ALOX5: variants seen among roughly 807,000 people sequenced by gnomAD.
ALOX5 encodes polyunsaturated fatty acid 5-lipoxygenase.
A neutral mutation model predicts 87.9 loss-of-function variants in ALOX5; 64 were observed. That is an observed-to-expected ratio of 0.73 (90% CI 0.60 to 0.90). The LOEUF is 0.90. Among genes scored for constraint, ALOX5 ranks in the 40% least tolerant of loss-of-function variants. ALOX5 has a pLI of 0.00. For synonymous variants in ALOX5, 388 were observed against 355.1 expected (o/e 1.09, Z -1.04); for missense variants, 822 against 907.5 (o/e 0.91, Z 1.21).
chr10:45,390,833 A>G (rs1298351273), intron 2 of ALOX5, among the ~76,000 whole-genome samples: 1 of 152,204 alleles, frequency 6.6e-6, no homozygotes, highest in Non-Finnish European at 1.5e-5. Flanking sequence ...GCAAGAAATA[A>G]TTAAGATCAG....
In ALOX5 at chr10:45,382,709, G is replaced by A. The variant is rs202208486; in HGVS notation, c.349+28G>A. 578 of 1,596,648 alleles carry A rather than the reference G, an allele frequency of 3.6e-4. 1 individual carries two copies. Among genetic ancestry groups the A allele is most frequent in the Middle Eastern group, 1.5e-3 (9 of 6,014 alleles). ...GAGCAGCTCAGGCCCCTTCTGCCCCGGGCTTCCCAAGAACCGAAAGTTCTT... is the reference window on the plus strand; with the variant it reads ...GAGCAGCTCAGGCCCCTTCTGCCCCAGGCTTCCCAAGAACCGAAAGTTCTT... On this transcript the variant is annotated intron_variant, in intron 2 of 13. Transcript: ENST00000374391.
At chr10:45,383,888 C>G (rs528470882) in intron 2 of ALOX5, among the ~76,000 whole-genome samples, 7 of 152,272 alleles carry the variant, frequency 4.6e-5, no homozygotes, top group South Asian at 4.2e-4. Flanking sequence ...GGACAGGGCA[C>G]TTCTCTTTTT....
chr10:45,431,684 T>C (rs1437738820), intron 7 of ALOX5, among the ~76,000 whole-genome samples: 1 of 152,052 alleles, frequency 6.6e-6, no homozygotes, highest in Non-Finnish European at 1.5e-5. Flanking sequence ...GCAATTCTCC[T>C]GCCTCAGCCT....
intron 7 of ALOX5, among the ~76,000 whole-genome samples, chr10:45,432,032 G>A (rs1271800233): frequency 1.3e-5 from 2 of 151,216 alleles, no homozygotes; most frequent in East Asian, 1.9e-4. Flanking sequence ...TCTTGGTGGG[G>A]GTGTGGTGGT....
At chr10:45,443,960 C>G in intron 12 of ALOX5, 132 bp downstream of exon 12, 1 of 1,436,234 alleles carries the variant, frequency 7.0e-7, no homozygotes, top group Non-Finnish European at 9.3e-7. Flanking sequence ...AGGATGGATT[C>G]TGCCCGCTCA....
intron 2 of ALOX5, among the ~76,000 whole-genome samples, chr10:45,385,039 G>GT (rs1839965572): frequency 6.6e-6 from 1 of 151,976 alleles, no homozygotes; most frequent in Non-Finnish European, 1.5e-5. Flanking sequence ...TAGAGAAAGG[G>GT]TTTTGCCATG....
chr10:45,391,909 G>C (rs575182515), intron 2 of ALOX5, among the ~76,000 whole-genome samples: 1 of 116,896 alleles, frequency 8.6e-6, no homozygotes, highest in South Asian at 2.5e-4. Context: ...GAAGTGAGGA[G>C]CCCCTCCGCC....
intron 6 of ALOX5, among the ~76,000 whole-genome samples, chr10:45,426,965 A>C (rs1256416175): frequency 6.6e-6 from 1 of 152,190 alleles, no homozygotes; most frequent in African/African-American, 2.4e-5. Context: ...CTCGGGCCTC[A>C]CTGATTCTGT....
rs545274252 is a variant in ALOX5, at chr10:45,385,344, G to A, written c.349+2663G>A. On this transcript the variant is annotated intron_variant, in intron 2 of 13. Transcript: ENST00000374391. ...GGCCCCACAGATCCAGAGCATCTGTGTGAAGGGACAGCTTCATTAAGGCAC... is the reference window on the plus strand; with the variant it reads ...GGCCCCACAGATCCAGAGCATCTGTATGAAGGGACAGCTTCATTAAGGCAC... Among the ~76,000 whole-genome samples, 264 of 152,336 alleles carry A rather than the reference G, an allele frequency of 1.7e-3. 1 individual carries two copies. The highest frequency in any genetic ancestry group is 2.7e-3 in the Non-Finnish European group (186 of 68,036).
intron 2 of ALOX5, among the ~76,000 whole-genome samples, chr10:45,386,613 T>C (rs2132688201): frequency 6.6e-6 from 1 of 152,180 alleles, no homozygotes; most frequent in East Asian, 1.9e-4. Flanking sequence ...TGAATATCTT[T>C]GGGTTTTTAA....
At chr10:45,435,814 G>A (rs1222885545) in intron 7 of ALOX5, among the ~76,000 whole-genome samples, 1 of 152,172 alleles carries the variant, frequency 6.6e-6, no homozygotes, top group African/African-American at 2.4e-5. Flanking sequence ...GGGTTGTTGG[G>A]TCAACTGGTA....
chr10:45,420,946 G>A (rs922666257), intron 4 of ALOX5, among the ~76,000 whole-genome samples: 4 of 152,344 alleles, frequency 2.6e-5, no homozygotes, highest in South Asian at 2.1e-4. Flanking sequence ...GGGGCTCACC[G>A]GGCACATGGC....
intron 2 of ALOX5, among the ~76,000 whole-genome samples, chr10:45,391,681 T>C (rs1413796638): frequency 6.8e-6 from 1 of 146,874 alleles, no homozygotes; most frequent in East Asian, 2.1e-4. Context: ...TCGTCTGGGA[T>C]GAAGTGAGGA....
Position 45,445,660 on chromosome 10 carries a change from C to G in ALOX5, c.1998C>G (p.Asp666Glu). 6.2e-7 allele frequency: 1 copy of G among 1,613,970 alleles called. No homozygotes were observed. Among genetic ancestry groups the G allele is most frequent in the Non-Finnish European group, 8.5e-7 (1 of 1,179,958 alleles). The stretch of plus-strand genomic sequence containing the variant: ...TGCCATATTACTACTTGTCCCCAGA[C>G]CGGATTCCGAACAGTGTGGCCATCT... ...KQLPYYYLSP[D>E]RIPNSVAI is the part of the protein sequence containing the mutation. The change falls in exon 14 of 14, where the codon GAC becomes GAG. Residue 666 changes from aspartate (D) to glutamate (E), a missense_variant. Transcript: ENST00000374391.
At chr10:45,445,421 G>T in intron 13 of ALOX5, 87 bp from the exon 14 acceptor site, 1 of 1,484,710 alleles carries the variant, frequency 6.7e-7, no homozygotes, top group South Asian at 1.3e-5. Context: ...CTCCCAAACG[G>T]TGGCTGGCCC....
chr10:45,438,001 G>T (rs1474726834), intron 7 of ALOX5, among the ~76,000 whole-genome samples: 1 of 152,178 alleles, frequency 6.6e-6, no homozygotes, highest in Admixed American at 6.5e-5. Context: ...TTCTAAACAA[G>T]CATTTTACTT....
At chr10:45,387,150 G>C (rs897818335) in intron 2 of ALOX5, among the ~76,000 whole-genome samples, 4 of 152,168 alleles carry the variant, frequency 2.6e-5, no homozygotes, top group Admixed American at 6.5e-5. Flanking sequence ...TTTTACATGT[G>C]AGGGGGTCAG....
intron 3 of ALOX5, among the ~76,000 whole-genome samples, chr10:45,403,705 A>G (rs1840781597): frequency 6.6e-6 from 1 of 152,210 alleles, no homozygotes; most frequent in African/African-American, 2.4e-5. Flanking sequence ...GCTGTGGGTC[A>G]TGTTAAGGGT....
chr10:45,391,711 C>T (rs1342421876), intron 2 of ALOX5, among the ~76,000 whole-genome samples: 2 of 151,556 alleles, frequency 1.3e-5, no homozygotes, highest in Non-Finnish European at 2.9e-5. Context: ...CCCAGCCGCC[C>T]ATCATCTGAG....
Sources: gnomAD v4.1 joint callset for allele counts (sites outside exome capture counted in the v4.1 genomes callset) on GRCh38, gnomAD v4.1.1 for gene constraint, MANE v1.5 for transcripts, NCBI Gene and HGNC (gene_info 2026-07-23, HGNC 2026-07-21) for gene names.